Variants in COG2 observed in about 807,000 individuals in gnomAD.
COG2 encodes component of oligomeric golgi complex 2.
A neutral mutation model predicts 90.6 loss-of-function variants in COG2; 52 were observed. That is an observed-to-expected ratio of 0.57 (90% CI 0.46 to 0.72). The LOEUF (loss-of-function observed/expected upper bound fraction) is 0.72. Ranked by LOEUF, COG2 falls within the 30% of genes least tolerant of loss-of-function variation. The probability of loss-of-function intolerance (pLI) is 0.00; values close to 1 mark genes in which losing one functional copy is unlikely to be tolerated. For synonymous variants in COG2, 337 were observed against 320.4 expected, an observed-to-expected ratio of 1.05 and a Z score of -0.55; for missense variants, 829 against 891.2, an observed-to-expected ratio of 0.93 and a Z score of 0.89.
intron 10 of COG2, chr1:230,679,309 A>G (rs2102766290): frequency 3.1e-6 from 1 of 317,930 alleles, no homozygotes; most frequent in East Asian, 5.1e-5. Flanking sequence ...GCTGACTCCA[A>G]GCCCAGCCTC....
At chr1:230,656,629 C>T (rs967116547) in intron 1 of COG2, among the ~76,000 whole-genome samples, 35 of 152,074 alleles carry the variant, frequency 2.3e-4, no homozygotes, top group African/African-American at 6.8e-4. Context: ...TCCTGAATAT[C>T]CTTGTTAATT....
chr1:230,683,037 A>T (rs998774964), intron 10 of COG2: 15 of 152,874 alleles, frequency 9.8e-5, no homozygotes, highest in African/African-American at 3.1e-4. Context: ...CCGAAGGGCA[A>T]GTACCATGGA....
At chr1:230,683,207 G>A (rs1159447153) in intron 10 of COG2, 1 of 186,074 alleles carries the variant, frequency 5.4e-6, no homozygotes, top group East Asian at 1.5e-4. Flanking sequence ...AGATAGATGG[G>A]TTGGAGGAAC....
chr1:230,659,720 T>C (rs1468454717), intron 2 of COG2, 95 bp downstream of exon 2: 1 of 1,249,650 alleles, frequency 8.0e-7, no homozygotes. Context: ...AGAAACCTTT[T>C]AGTTGATGTC....
At position 230,642,494 on chromosome 1, in the gene COG2, C is replaced by T. The variant is rs1661642204; in HGVS notation, c.-113C>T. 1.0e-5 allele frequency: 10 copies of T among 962,006 alleles called. No homozygotes were observed. The highest frequency in any genetic ancestry group is 9.4e-5 in the Admixed American group (3 of 32,002). The allele number at this position is 962,006 out of a possible 1,614,324, so 59.6% of individuals were successfully genotyped here. A position where few individuals can be genotyped will look rare whatever the true frequency, so the allele number is the denominator to read the frequency against. On this transcript the variant is annotated 5_prime_UTR_variant, in exon 1 of 18. Coordinates refer to ENST00000366669, the MANE Select transcript of COG2 (RefSeq NM_007357.3). ...GCGGGCGCTGCCATGTTGGCGGAAG[C>T]GGACCCCCCTGTGCCGTGGAAACTG...
intron 15 of COG2, 156 bp from the exon 16 acceptor site, chr1:230,689,858 G>T: frequency 1.5e-6 from 1 of 647,940 alleles, no homozygotes; most frequent in Non-Finnish European, 2.6e-6. Context: ...GCAGCTTTCT[G>T]TGGACCCCAG....
chr1:230,684,757 A>G (rs896778857), intron 11 of COG2, among the ~76,000 whole-genome samples: 3 of 152,232 alleles, frequency 2.0e-5, no homozygotes, highest in Non-Finnish European at 4.4e-5. Context: ...AACCTCTGCA[A>G]GTGATTGCCA....
chr1:230,678,466 T>G, intron 9 of COG2: 1 of 985,348 alleles, frequency 1.0e-6, no homozygotes, highest in Non-Finnish European at 1.2e-6. Flanking sequence ...TCATGCTATC[T>G]TATTTATAAA....
Position 230,642,538 on chromosome 1 carries a change from G to A in COG2, c.-69G>A, listed in dbSNP as rs564977071. 6.6e-7 allele frequency: 1 copy of A among 1,505,808 alleles called. No individual in the cohort carries two copies. The highest frequency in any genetic ancestry group is 9.1e-7 in the Non-Finnish European group (1 of 1,103,822). The allele number at this position is 1,505,808 out of a possible 1,614,324, so 93.3% of individuals were successfully genotyped here. On this transcript the variant is annotated 5_prime_UTR_variant, in exon 1 of 18. Transcript: ENST00000366669. ...GAAACTGGCGGTGGCCGCGGCCGCC[G>A]AGTCGGTCTGCGCAGCCTCCTGCGT...
At chr1:230,682,791 A>ACTTTC in intron 10 of COG2, 1 of 152,372 alleles carries the variant, frequency 6.6e-6, no homozygotes, top group Non-Finnish European at 1.5e-5. Flanking sequence ...GCATGCTAGT[A>ACTTTC]AAGAGATATA....
chr1:230,655,865 G>T (rs1391570936), intron 1 of COG2, among the ~76,000 whole-genome samples: 1 of 152,172 alleles, frequency 6.6e-6, no homozygotes, highest in Non-Finnish European at 1.5e-5. Context: ...ATTTCTTCTA[G>T]ATTTTCTAGT....
intron 1 of COG2, among the ~76,000 whole-genome samples, chr1:230,658,853 A>G (rs903766685): frequency 6.6e-5 from 10 of 152,200 alleles, no homozygotes; most frequent in African/African-American, 2.4e-4. Context: ...CTCAACATCC[A>G]TATAAAACAT....
chr1:230,687,391 C>T lies in COG2; in HGVS notation c.1578+259C>T, dbSNP rs1536589. 6.2e-3 allele frequency among the ~76,000 whole-genome samples: 939 copies of T among 152,286 alleles called. 13 individuals carry two copies. The highest frequency in any genetic ancestry group is 0.022 in the African/African-American group (894 of 41,550). On this transcript the variant is annotated intron_variant, in intron 13 of 17. Coordinates refer to ENST00000366669, the MANE Select transcript of COG2 (RefSeq NM_007357.3). ...GTGCATTCTGTATTGTATTCACCTC[C>T]ACCCTGCTTCCTTTTCAGTAGTGAT...
rs889457648 is a variant in COG2 at position 230,655,411 on chromosome 1, C to T, written c.73-4053C>T. Among the ~76,000 whole-genome samples, 8 of 152,088 alleles carry T rather than the reference C, an allele frequency of 5.3e-5. 1 individual carries two copies. In the East Asian group the frequency reaches 5.8e-4, roughly 11 times the overall value. On this transcript the variant is annotated intron_variant, in intron 1 of 17. Transcript: ENST00000366669. ...GTGATGGATTACGTTTATTGATTTG[C>T]GTGTGTTGAACCAGCCTTGCGTTGC...
At chr1:230,677,810 T>C (rs192163324) in intron 9 of COG2, among the ~76,000 whole-genome samples, 8 of 152,324 alleles carry the variant, frequency 5.3e-5, no homozygotes, top group Admixed American at 1.3e-4. Context: ...TTTCCAGAAA[T>C]ACTTTCAGCT....
chr1:230,671,675 C>T (rs1553310660), intron 8 of COG2, 35 bp downstream of exon 8: 1 of 1,605,484 alleles, frequency 6.2e-7, no homozygotes, highest in Non-Finnish European at 8.5e-7. Flanking sequence ...CCCCCACCTC[C>T]CTTTCAGTGA....
chr1:230,688,549 G>T lies in COG2; in HGVS notation c.1781G>T (p.Arg594Leu). 2 of 1,613,926 alleles carry T rather than the reference G, an allele frequency of 1.2e-6. No homozygotes were observed. Among genetic ancestry groups the T allele is most frequent in the Non-Finnish European group, 1.7e-6 (2 of 1,179,942 alleles). ...KSALEVPRLY[R>L]RTNKEVPTTA... is the part of the protein sequence containing the mutation. ...GCCCTGGAGGTTCCCAGGCTTTACCGAAGAACCAATAAGGTCAGCGCCATT... is the reference window on the plus strand; with the variant it reads ...GCCCTGGAGGTTCCCAGGCTTTACCTAAGAACCAATAAGGTCAGCGCCATT... The change falls in exon 15 of 18, where the codon CGA becomes CTA. Residue 594 changes from arginine to leucine, a missense_variant. Arg to Leu is a moderately radical substitution (Grantham distance 102). Transcript: ENST00000366669.
In COG2 at chr1:230,675,187, G is replaced by A. The variant is rs1662559628; in HGVS notation, c.1026+63G>A. 4 of 1,549,672 alleles carry A rather than the reference G, an allele frequency of 2.6e-6. No homozygotes were observed. The Admixed American group carries it at 7.6e-5, about 29-fold the overall frequency. ...TAACCGGAGACTGGAGAAATATCAT[G>A]TTCTCTTCTACTTAGTCTTGGTTCT... is the stretch of plus-strand genomic sequence containing the variant. On this transcript the variant is annotated intron_variant, in intron 9 of 17. Coordinates refer to ENST00000366669, the MANE Select transcript of COG2 (RefSeq NM_007357.3).
At chr1:230,686,851 T>G in intron 12 of COG2, 84 bp from the exon 13 acceptor site, 2 of 774,132 alleles carry the variant, frequency 2.6e-6, no homozygotes, top group East Asian at 2.8e-5. Context: ...TAATGGTGAG[T>G]TATTGACGCG....
Sources: gnomAD v4.1 joint callset for allele counts (sites outside exome capture counted in the v4.1 genomes callset) on GRCh38, gnomAD v4.1.1 for gene constraint, MANE v1.5 for transcripts, NCBI Gene and HGNC (gene_info 2026-07-23, HGNC 2026-07-21) for gene names.